The following COLEC11 variants were observed in gnomAD, a reference collection of about 807,000 sequenced individuals.
The protein encoded by COLEC11 is collectin-11.
A neutral mutation model predicts 27.3 loss-of-function variants in COLEC11; 20 were observed. That is an observed-to-expected ratio of 0.73 (90% CI 0.51 to 1.06). The LOEUF (loss-of-function observed/expected upper bound fraction) is 1.06, where lower values mean the gene tolerates loss of function less well. Ranked by LOEUF, COLEC11 falls within the 50% of genes least tolerant of loss-of-function variation. The pLI is 0.00. For missense variants in COLEC11, 310 were observed against 383.0 expected, an observed-to-expected ratio of 0.81 and a Z score of 1.59; for synonymous variants, 163 against 154.7, an observed-to-expected ratio of 1.05 and a Z score of -0.40.
In COLEC11 at chr2:3,640,304, G is replaced by A. The variant is rs201275709; in HGVS notation, c.301G>A (p.Gly101Arg). Residue 101 changes from glycine (G) to arginine (R), a missense_variant, in exon 5 of 7, where the codon GGA becomes AGA. Transcript: ENST00000349077. Reference sequence around the variant, plus strand: ...TGAGAAAGGAGATTCCGGTGACATAGGACCCCCTGGTCCTAATGGAGAACC... The same window carrying A: ...TGAGAAAGGAGATTCCGGTGACATAAGACCCCCTGGTCCTAATGGAGAACC... ...KGEKGDSGDIGPPGPNGEPGL... is the reference protein window; with the variant it reads ...KGEKGDSGDIRPPGPNGEPGL... 6.2e-7 allele frequency: 1 copy of A among 1,602,458 alleles called. No individual in the cohort carries two copies. The highest frequency in any genetic ancestry group is 1.3e-5 in the African/African-American group (1 of 74,716).
At chr2:3,637,462 C>A in intron 3 of COLEC11, 71 bp from the exon 4 acceptor site, 1 of 1,182,210 alleles carries the variant, frequency 8.5e-7, no homozygotes, top group Non-Finnish European at 1.3e-6. Context: ...GTTATCCGTG[C>A]ACGTGTGTGA....
At chr2:3,598,549 T>C (rs13432324) in intron 1 of COLEC11, among the ~76,000 whole-genome samples, 25,560 of 152,254 alleles carry the variant, frequency 0.17, 2,287 homozygotes, top group African/African-American at 0.19. Context: ...GACCCAAGCC[T>C]GGCAGCGAAC....
intron 4 of COLEC11, among the ~76,000 whole-genome samples, chr2:3,638,330 G>A (rs11676480): frequency 0.022 from 3,340 of 152,272 alleles, 111 homozygotes; most frequent in African/African-American, 0.075. Flanking sequence ...TCTGGGGGAC[G>A]AAGTCGGTGG....
Position 3,644,277 on chromosome 2 carries a change from G to T in COLEC11, c.*159G>T, listed in dbSNP as rs947325126. The T allele has an allele frequency of 1.1e-6, 1 of 897,714 alleles. No individual in the cohort carries two copies. The allele number at this position is 897,714 out of a possible 1,614,324, so 55.6% of individuals were successfully genotyped here. On this transcript the variant is annotated 3_prime_UTR_variant, in exon 7 of 7. Coordinates refer to ENST00000349077, the MANE Select transcript of COLEC11 (RefSeq NM_024027.5). ...TGTCTAAACTGAGAAAATGGCCTAT[G>T]CTTAAGAGGAAAATGAAAGTGTTCC...
At chr2:3,614,142 T>TG (rs200452579) in intron 3 of COLEC11, among the ~76,000 whole-genome samples, 2,970 of 79,598 alleles carry the variant, frequency 0.037, 100 homozygotes, top group South Asian at 0.093. Flanking sequence ...TAATTTTTTT[T>TG]TGGGGGGTAT....
chr2:3,619,514 T>C (rs1422951670), intron 3 of COLEC11, among the ~76,000 whole-genome samples: 1 of 152,248 alleles, frequency 6.6e-6, no homozygotes, highest in Non-Finnish European at 1.5e-5. Flanking sequence ...TCTTTCAGCA[T>C]CTACTGATGA....
chr2:3,609,352 A>ATTTTTTTTTTTTTTTTT (rs567474674), intron 2 of COLEC11, among the ~76,000 whole-genome samples: 1 of 87,508 alleles, frequency 1.1e-5, no homozygotes, highest in African/African-American at 5.9e-5. Flanking sequence ...TTTTTCTTTG[A>ATTTTTTTTTTTTTTTTT]TTTTTTTTTT....
intron 3 of COLEC11, among the ~76,000 whole-genome samples, chr2:3,613,984 T>G (rs1370523852): frequency 6.7e-6 from 1 of 150,174 alleles, no homozygotes; most frequent in Non-Finnish European, 1.5e-5. Context: ...TTCTTTCTTT[T>G]TTTTTTTTTT....
rs780148541 is a variant in COLEC11 at position 3,643,559 on chromosome 2, G to A, written c.424+20G>A. On this transcript the variant is annotated intron_variant, in intron 6 of 6. Coordinates refer to ENST00000349077, the MANE Select transcript of COLEC11 (RefSeq NM_024027.5). ...AGAATGGTATGTGGCTCCCGGCGCC[G>A]CCCTCGCTCCCTCCCACCTCCCAGC... 5.6e-6 allele frequency: 9 copies of A among 1,607,906 alleles called. No homozygotes were observed. Among genetic ancestry groups the A allele is most frequent in the South Asian group, 5.5e-5 (5 of 90,970 alleles).
At chr2:3,621,401 T>G (rs1457675814) in intron 3 of COLEC11, among the ~76,000 whole-genome samples, 1 of 152,240 alleles carries the variant, frequency 6.6e-6, no homozygotes, top group East Asian at 1.9e-4. Flanking sequence ...CCCTTCATTT[T>G]TAGTCTATGT....
At chr2:3,611,544 G>C (rs193006122) in intron 2 of COLEC11, among the ~76,000 whole-genome samples, 22 of 152,330 alleles carry the variant, frequency 1.4e-4, no homozygotes, top group Admixed American at 5.2e-4. Context: ...GATATTTCTT[G>C]CTAAACTGTC....
At chr2:3,603,492 T>A in intron 1 of COLEC11, 4 of 675,144 alleles carry the variant, frequency 5.9e-6, no homozygotes, top group Middle Eastern at 2.6e-4. Context: ...AATTTTTGTA[T>A]TTTTAGAAGA....
chr2:3,615,764 G>A (rs1195320559), intron 3 of COLEC11, among the ~76,000 whole-genome samples: 2 of 151,380 alleles, frequency 1.3e-5, no homozygotes, highest in Non-Finnish European at 3.0e-5. Context: ...GCCGGGCAGA[G>A]GCTCCCCCCA....
intron 3 of COLEC11, among the ~76,000 whole-genome samples, chr2:3,618,973 T>TA (rs1325134048): frequency 1.3e-5 from 2 of 152,228 alleles, no homozygotes; most frequent in African/African-American, 4.8e-5. Flanking sequence ...GGCTCATTGT[T>TA]AGTGTATAGA....
At chr2:3,626,162 C>G (rs1310242624) in intron 3 of COLEC11, 1 of 1,242,114 alleles carries the variant, frequency 8.1e-7, no homozygotes, top group Non-Finnish European at 1.2e-6. Flanking sequence ...GGCAACCACT[C>G]TTCCCATGGC....
intron 2 of COLEC11, among the ~76,000 whole-genome samples, chr2:3,607,779 C>G (rs1201246110): frequency 6.6e-6 from 1 of 152,196 alleles, no homozygotes; most frequent in East Asian, 1.9e-4. Context: ...CATTTACTGC[C>G]ATTCTTTAAA....
chr2:3,641,571 A>C, intron 5 of COLEC11: 1 of 471,722 alleles, frequency 2.1e-6, no homozygotes, highest in South Asian at 2.3e-5. Context: ...TCTCTCCAGA[A>C]AGCCTCTATT....
chr2:3,643,564 C>A (rs754821453), intron 6 of COLEC11, 25 bp downstream of exon 6: 1 of 1,606,150 alleles, frequency 6.2e-7, no homozygotes, highest in African/African-American at 1.3e-5. Context: ...GCGCCGCCCT[C>A]GCTCCCTCCC....
chr2:3,620,974 TC>T (rs1212940975), intron 3 of COLEC11, among the ~76,000 whole-genome samples: 2 of 152,266 alleles, frequency 1.3e-5, no homozygotes, highest in Non-Finnish European at 2.9e-5. Context: ...CAAAGAATGT[TC>T]CGTGTGCACT....
Sources: gnomAD v4.1 joint callset for allele counts (sites outside exome capture counted in the v4.1 genomes callset) on GRCh38, gnomAD v4.1.1 for gene constraint, MANE v1.5 for transcripts, NCBI Gene and HGNC (gene_info 2026-07-23, HGNC 2026-07-21) for gene names.